The following C10orf67 variants were observed in gnomAD, a reference collection of about 807,000 sequenced individuals.
C10orf67 encodes uncharacterized protein C10orf67, mitochondrial.
Under a neutral mutation model 35.6 loss-of-function variants are expected in C10orf67, and 60 were observed. The observed-to-expected ratio is 1.68, with a 90% CI of 1.37 to 2.09. C10orf67 has a LOEUF of 2.09. Among genes scored for constraint, C10orf67 ranks in the 30% most tolerant of loss-of-function variants. The pLI is 0.00. For synonymous variants in C10orf67, 167 were observed against 115.8 expected, an observed-to-expected ratio of 1.44 and a Z score of -2.84; for missense variants, 474 against 330.2, an observed-to-expected ratio of 1.44 and a Z score of -3.38.
chr10:23,232,656 C>T (rs892487550), intron 13 of C10orf67, among the ~76,000 whole-genome samples: 3 of 152,206 alleles, frequency 2.0e-5, no homozygotes, highest in African/African-American at 7.2e-5. Flanking sequence ...AATATCCCAG[C>T]GTACCTGAAA....
chr10:23,208,280 T>C lies in C10orf67; in HGVS notation c.1571-4025A>G, dbSNP rs528904230. Among the ~76,000 whole-genome samples the C allele has an allele frequency of 6.6e-5, 10 of 152,354 alleles. No homozygotes were observed. The South Asian group carries it at 2.1e-3, about 32-fold the overall frequency. On this transcript the variant is annotated intron_variant, in intron 15 of 15. Transcript: ENST00000636213. ...GAAATGCTGTTATCACACAGTTTCATGCGTGAATTTATAGGTTCCCAAAGA... is the reference window on the plus strand; with the variant it reads ...GAAATGCTGTTATCACACAGTTTCACGCGTGAATTTATAGGTTCCCAAAGA...
chr10:23,207,049 A>G (rs1253229613), intron 15 of C10orf67, among the ~76,000 whole-genome samples: 2 of 152,164 alleles, frequency 1.3e-5, no homozygotes, highest in Admixed American at 6.5e-5. Flanking sequence ...AAGTTACTAC[A>G]AATGTTTCAT....
chr10:23,335,475 G>T (rs779624963), intron 1 of C10orf67, among the ~76,000 whole-genome samples: 2 of 152,136 alleles, frequency 1.3e-5, no homozygotes, highest in Non-Finnish European at 2.9e-5. Flanking sequence ...TTAATACTTA[G>T]AAGTATTTTG....
intron 5 of C10orf67, among the ~76,000 whole-genome samples, chr10:23,298,133 T>C (rs531622344): frequency 6.6e-6 from 1 of 152,204 alleles, no homozygotes; most frequent in African/African-American, 2.4e-5. Flanking sequence ...TGTGCACCTG[T>C]AGTCCCAGCT....
chr10:23,315,612 T>G (rs1008003400), intron 4 of C10orf67, among the ~76,000 whole-genome samples: 2 of 152,020 alleles, frequency 1.3e-5, no homozygotes, highest in Admixed American at 1.3e-4. Flanking sequence ...CTGATCTTTT[T>G]GTATGTTTTG....
In C10orf67 at chr10:23,209,191, AG is replaced by A. The variant is rs1410641405; in HGVS notation, c.1571-4937del. Among the ~76,000 whole-genome samples the A allele has an allele frequency of 2.0e-5, 3 of 152,268 alleles. No homozygotes were observed. The East Asian group carries it at 5.8e-4, about 29-fold the overall frequency. On this transcript the variant is annotated intron_variant, in intron 15 of 15. Transcript: ENST00000636213. ...CTGAAGAACTTGATTTTATCTTGAAAGCCATAGAGATCTGCTGAAGGATTCA... is the reference window on the plus strand; with the variant it reads ...CTGAAGAACTTGATTTTATCTTGAAACCATAGAGATCTGCTGAAGGATTCA...
At chr10:23,243,555 C>T (rs956349110) in intron 12 of C10orf67, among the ~76,000 whole-genome samples, 5 of 151,830 alleles carry the variant, frequency 3.3e-5, no homozygotes, top group Admixed American at 6.6e-5. Context: ...GGCATGGTGG[C>T]GCATGCCTGT....
intron 15 of C10orf67, among the ~76,000 whole-genome samples, chr10:23,217,589 G>A (rs993544010): frequency 2.6e-5 from 4 of 152,144 alleles, no homozygotes; most frequent in African/African-American, 9.7e-5. Context: ...AGGCAGCAAG[G>A]TTTGGGATGA....
intron 5 of C10orf67, among the ~76,000 whole-genome samples, chr10:23,296,639 C>T (rs1037059330): frequency 6.6e-6 from 1 of 152,066 alleles, no homozygotes; most frequent in African/African-American, 2.4e-5. Context: ...TTGAGATTTC[C>T]TCGGGAGGGG....
At chr10:23,298,874 T>G (rs993138594) in intron 5 of C10orf67, among the ~76,000 whole-genome samples, 1 of 152,166 alleles carries the variant, frequency 6.6e-6, no homozygotes, top group Admixed American at 6.5e-5. Context: ...GACAACAGTG[T>G]CCAGGTATGA....
chr10:23,286,820 A>C (rs1185288579), intron 7 of C10orf67, among the ~76,000 whole-genome samples: 1 of 152,218 alleles, frequency 6.6e-6, no homozygotes, highest in Non-Finnish European at 1.5e-5. Context: ...GAAGCCTAAG[A>C]AAATGAACTC....
chr10:23,210,656 G>C (rs1301482429), intron 15 of C10orf67, among the ~76,000 whole-genome samples: 2 of 152,276 alleles, frequency 1.3e-5, no homozygotes, highest in East Asian at 3.9e-4. Context: ...CTGGCCTCAA[G>C]TGATCTGCCC....
chr10:23,314,433 G>A (rs890639518), intron 4 of C10orf67, among the ~76,000 whole-genome samples: 2 of 151,362 alleles, frequency 1.3e-5, no homozygotes, highest in South Asian at 2.1e-4. Context: ...ACCAGCCTGG[G>A]CAACATAGTG....
intron 12 of C10orf67, among the ~76,000 whole-genome samples, chr10:23,246,502 A>C (rs1339653719): frequency 6.6e-6 from 1 of 152,244 alleles, no homozygotes; most frequent in African/African-American, 2.4e-5. Flanking sequence ...CTAAGAAAAA[A>C]GGAGAAAAAC....
chr10:23,218,297 C>G (rs999437783), intron 15 of C10orf67, among the ~76,000 whole-genome samples: 12 of 149,902 alleles, frequency 8.0e-5, no homozygotes, highest in Non-Finnish European at 1.8e-4. Flanking sequence ...CACATCACTA[C>G]ACGAGGCTAA....
chr10:23,333,320 T>A (rs1845553327), intron 1 of C10orf67, 138 bp from the exon 2 acceptor site: 1 of 696,406 alleles, frequency 1.4e-6, no homozygotes, highest in Non-Finnish European at 2.3e-6. Flanking sequence ...AGCCTCTGAA[T>A]TAGCTCTTGT....
At chr10:23,329,010 AAAAG>A (rs1390733209) in intron 2 of C10orf67, among the ~76,000 whole-genome samples, 17 of 147,904 alleles carry the variant, frequency 1.1e-4, no homozygotes, top group Non-Finnish European at 1.6e-4. Context: ...AAAAAAAAAA[AAAAG>A]AAAGAAAGAA....
chr10:23,253,707 TCA>T (rs1450552573), intron 10 of C10orf67, among the ~76,000 whole-genome samples: 4 of 152,220 alleles, frequency 2.6e-5, no homozygotes, highest in Admixed American at 2.6e-4. Context: ...AAAATTAGTT[TCA>T]ATTTTTAAGG....
chr10:23,331,887 A>T (rs554882416), intron 2 of C10orf67, among the ~76,000 whole-genome samples: 2 of 152,306 alleles, frequency 1.3e-5, no homozygotes, highest in South Asian at 4.1e-4. Flanking sequence ...TTACGAAAGA[A>T]TAAAATTATA....
Sources: allele counts gnomAD v4.1 joint callset (sites outside exome capture counted in the v4.1 genomes callset), GRCh38; gene constraint gnomAD v4.1.1; transcripts MANE v1.5; gene names NCBI Gene and HGNC (gene_info 2026-07-23, HGNC 2026-07-21).